The following STAT3 variants were observed in gnomAD, a reference collection of about 807,000 sequenced individuals.
STAT3 encodes signal transducer and activator of transcription 3.
A neutral mutation model predicts 114.3 loss-of-function variants in STAT3; 7 were observed. That is an observed-to-expected ratio of 0.06 (90% CI 0.03 to 0.11). The LOEUF (loss-of-function observed/expected upper bound fraction) is 0.11. STAT3 is among the 10% of genes least tolerant of loss of function. The pLI, the probability that STAT3 is intolerant of heterozygous loss-of-function variation, is 1.00. For missense variants in STAT3, 364 were observed against 960.9 expected, an observed-to-expected ratio of 0.38 and a Z score of 8.21; for synonymous variants, 331 against 354.5, an observed-to-expected ratio of 0.93 and a Z score of 0.74.
rs754306251 is a variant in STAT3, at chr17:42,314,851, CTTT to C, written c.*891_*893del. ...CCAAGGAGGCTGTTAACTGAAGTTT[CTTT>C]TTTTTTTTTTTTTTTTTGAGACAGA... On this transcript the variant is annotated 3_prime_UTR_variant, in exon 24 of 24. Coordinates refer to ENST00000264657, the MANE Select transcript of STAT3 (RefSeq NM_139276.3). 436 of 139,928 alleles carry C rather than the reference CTTT, an allele frequency of 3.1e-3. No individual in the cohort carries two copies. Among genetic ancestry groups the C allele is most frequent in the East Asian group, 0.013 (108 of 8,440 alleles). 8.7% of individuals were successfully genotyped at this position (139,928 alleles called of 1,614,324 possible).
intron 1 of STAT3, among the ~76,000 whole-genome samples, chr17:42,354,172 CTTTTTT>C (rs1212253278): frequency 9.2e-6 from 1 of 108,678 alleles, no homozygotes; most frequent in Non-Finnish European, 1.9e-5. Context: ...TAATTGTGTT[CTTTTTT>C]TTTTTTTTTT....
chr17:42,378,395 G>A (rs983142674), intron 1 of STAT3, among the ~76,000 whole-genome samples: 6 of 152,074 alleles, frequency 3.9e-5, no homozygotes, highest in African/African-American at 9.7e-5. Context: ...ACAGGCACGC[G>A]TCACCACACC....
At chr17:42,355,939 A>G (rs2083204220) in intron 1 of STAT3, among the ~76,000 whole-genome samples, 1 of 152,222 alleles carries the variant, frequency 6.6e-6, no homozygotes. Flanking sequence ...ACAATAATCC[A>G]GAACAGAAAG....
At chr17:42,342,372 ACTTGGGAAG>A (rs2082479171) in intron 4 of STAT3, among the ~76,000 whole-genome samples, 1 of 152,168 alleles carries the variant, frequency 6.6e-6, no homozygotes, top group East Asian at 1.9e-4. Flanking sequence ...AATCCCAGCT[ACTTGGGAAG>A]CTGAGACATG....
chr17:42,330,088 TAA>T lies in STAT3; in HGVS notation c.1110-314_1110-313del, dbSNP rs764868608. Among the ~76,000 whole-genome samples the T allele has an allele frequency of 8.5e-4, 130 of 152,116 alleles. 1 individual carries two copies. The highest frequency in any genetic ancestry group is 1.3e-3 in the Non-Finnish European group (91 of 68,020). On this transcript the variant is annotated intron_variant, in intron 11 of 23. Transcript: ENST00000264657. The stretch of plus-strand genomic sequence containing the variant: ...GAAATTTCCACATAATTACATCAAC[TAA>T]AAATAAGAATGCATTTTATCTTTTC...
intron 4 of STAT3, among the ~76,000 whole-genome samples, chr17:42,343,975 TTC>T (rs1458303911): frequency 6.6e-6 from 1 of 152,190 alleles, no homozygotes; most frequent in Non-Finnish European, 1.5e-5. Context: ...GTACCCTCAT[TTC>T]TTTTTCTTTT....
chr17:42,350,795 A>G (rs2082909938), intron 1 of STAT3, among the ~76,000 whole-genome samples: 1 of 152,216 alleles, frequency 6.6e-6, no homozygotes, highest in African/African-American at 2.4e-5. Context: ...GAAATAGAAT[A>G]CAGGCCACAC....
intron 1 of STAT3, among the ~76,000 whole-genome samples, chr17:42,385,178 T>TTA (rs1481459496): frequency 5.9e-5 from 9 of 152,268 alleles, no homozygotes; most frequent in African/African-American, 2.2e-4. Flanking sequence ...AAGATACAAC[T>TTA]TATTCTTCAT....
At position 42,324,251 on chromosome 17, in the gene STAT3, G is replaced by A. The variant is rs1026297254; in HGVS notation, c.1600+460C>T. 6.0e-5 allele frequency among the ~76,000 whole-genome samples: 9 copies of A among 150,638 alleles called. No individual in the cohort carries two copies. The highest frequency in any genetic ancestry group is 9.8e-5 in the African/African-American group (4 of 40,856). ...GAAGAATCGCTTGAACCCAGAAGGC[G>A]GAGGTTGCAGTGAGCCGAGATCACA... On this transcript the variant is annotated intron_variant, in intron 17 of 23. Coordinates refer to ENST00000264657, the MANE Select transcript of STAT3 (RefSeq NM_139276.3). This position sits in a 1 kb window ranked among gnomAD's most constrained non-coding sequence, Gnocchi z 4.5.
chr17:42,346,686 A>C lies in STAT3; in HGVS notation c.156T>G (p.His52Gln). 1 of 1,614,206 alleles carries C rather than the reference A, an allele frequency of 6.2e-7. No homozygotes were observed. The highest frequency in any genetic ancestry group is 8.5e-7 in the Non-Finnish European group (1 of 1,180,038). The change falls in exon 3 of 24, where the codon CAT (histidine) becomes CAG (glutamine). Residue 52 changes from histidine to glutamine, a missense_variant. Physicochemically the swap from His to Gln is conservative, Grantham distance 24. This residue lies in a region of STAT3 where 294 missense variants were observed against 745.1 expected (regional missense o/e 0.39). Transcript: ENST00000264657. ...GGAGATTATGAAACACCAAAGTGGC[A>C]TGTGATTCTTTGCTGGCCGCATATG... ...DWAYAASKES[H>Q]ATLVFHNLLG...
At chr17:42,321,933 C>G (rs141779582) in intron 21 of STAT3, among the ~76,000 whole-genome samples, 7 of 152,308 alleles carry the variant, frequency 4.6e-5, no homozygotes, top group South Asian at 2.1e-4. Flanking sequence ...AGGTGATCCT[C>G]CCACCTCAGC....
At chr17:42,334,439 CTTTT>C (rs56055491) in intron 8 of STAT3, among the ~76,000 whole-genome samples, 2 of 70,200 alleles carry the variant, frequency 2.8e-5, no homozygotes, top group African/African-American at 4.8e-5. Flanking sequence ...TGCGCCTGGC[CTTTT>C]TTTTTTTTTT....
chr17:42,383,204 G>A (rs189135299), intron 1 of STAT3, among the ~76,000 whole-genome samples: 28 of 152,004 alleles, frequency 1.8e-4, no homozygotes, highest in Admixed American at 5.2e-4. Flanking sequence ...CTACAGGCGT[G>A]TGCCACCACA....
At chr17:42,327,167 TA>T (rs2081764703) in intron 14 of STAT3, among the ~76,000 whole-genome samples, 1 of 152,334 alleles carries the variant, frequency 6.6e-6, no homozygotes, top group Non-Finnish European at 1.5e-5. Flanking sequence ...CCATCACTCC[TA>T]AAATTCTCTG....
At chr17:42,372,565 G>A (rs1293524546) in intron 1 of STAT3, among the ~76,000 whole-genome samples, 1 of 152,204 alleles carries the variant, frequency 6.6e-6, no homozygotes, top group African/African-American at 2.4e-5. Context: ...GAATGAATAG[G>A]TGGAGCACAG....
At chr17:42,338,665 G>C (rs111850829) in intron 6 of STAT3, 66 bp downstream of exon 6, 5 of 1,469,602 alleles carry the variant, frequency 3.4e-6, no homozygotes, top group African/African-American at 2.8e-5. Context: ...TAAGACAAAT[G>C]AGTCTTTCAA....
intron 21 of STAT3, among the ~76,000 whole-genome samples, chr17:42,317,764 T>C (rs2081307885): frequency 6.6e-6 from 1 of 152,220 alleles, no homozygotes; most frequent in South Asian, 2.1e-4. Context: ...ATCTGGCCTC[T>C]ACCACATTTT....
chr17:42,364,392 C>G lies in STAT3; in HGVS notation c.-23-15853G>C, dbSNP rs555528201. On this transcript the variant is annotated intron_variant, in intron 1 of 23. Transcript: ENST00000264657. ...AGGTTGAGCAAGCACATTGTCATGT[C>G]AGATTTTCCAGGCTCGAGGGCCACT... Among the ~76,000 whole-genome samples the G allele has an allele frequency of 1.6e-4, 25 of 152,282 alleles. No homozygotes were observed. The South Asian group carries it at 5.2e-3, about 32-fold the overall frequency.
chr17:42,356,004 G>T (rs2083208153), intron 1 of STAT3, among the ~76,000 whole-genome samples: 1 of 152,008 alleles, frequency 6.6e-6, no homozygotes, highest in Admixed American at 6.6e-5. Flanking sequence ...ATTTTCCTTT[G>T]GGTACCACCT....
Sources: allele counts gnomAD v4.1 joint callset (sites outside exome capture counted in the v4.1 genomes callset), GRCh38; gene constraint gnomAD v4.1.1; regional missense constraint gnomAD v4.1.1; non-coding constraint Gnocchi (gnomAD v3.1); transcripts MANE v1.5; gene names NCBI Gene and HGNC (gene_info 2026-07-23, HGNC 2026-07-21).